The following CNTN5 variants were observed in gnomAD, a reference collection of about 807,000 sequenced individuals.
CNTN5 encodes contactin 5, also known as contactin-5.
A neutral mutation model predicts 129.1 loss-of-function variants in CNTN5; 77 were observed. The observed-to-expected ratio is 0.60, with a 90% CI of 0.50 to 0.72. CNTN5 has a LOEUF of 0.72. Among genes scored for constraint, CNTN5 ranks in the 30% least tolerant of loss-of-function variants. The pLI, the probability that CNTN5 is intolerant of heterozygous loss-of-function variation, is 0.00. For missense variants in CNTN5, 1,478 were observed against 1,328.8 expected (o/e 1.11, Z -1.75); for synonymous variants, 509 against 465.6 (o/e 1.09, Z -1.20).
At chr11:99,929,326 C>G (rs1487973723) in intron 7 of CNTN5, among the ~76,000 whole-genome samples, 1 of 152,088 alleles carries the variant, frequency 6.6e-6, no homozygotes, top group Non-Finnish European at 1.5e-5. Flanking sequence ...TCTTTTCAGC[C>G]CTTGGAACTG....
intron 9 of CNTN5, among the ~76,000 whole-genome samples, chr11:100,016,816 T>C (rs1056604565): frequency 3.3e-5 from 5 of 151,858 alleles, no homozygotes; most frequent in Non-Finnish European, 7.4e-5. Flanking sequence ...CCCTGTTTTT[T>C]CTTTGTTTTT....
chr11:99,766,489 T>C (rs1944759578), intron 3 of CNTN5, among the ~76,000 whole-genome samples: 1 of 152,050 alleles, frequency 6.6e-6, no homozygotes, highest in Admixed American at 6.6e-5. Context: ...TTTATGTTCC[T>C]CTTTCTTAGA....
rs139584595 is a variant in CNTN5, at chr11:99,729,270, A to T, written c.56-90274A>T. ...AAGGCATAGATATTGGGCAGGAAGG[A>T]AAATTCAATGCTCACTATTAAACTG... On this transcript the variant is annotated intron_variant, in intron 3 of 24. Coordinates refer to ENST00000524871, the MANE Select transcript of CNTN5 (RefSeq NM_014361.4). Among the ~76,000 whole-genome samples the T allele has an allele frequency of 7.0e-3, 1,063 of 152,230 alleles. 14 individuals are homozygous for T. Among genetic ancestry groups the T allele is most frequent in the African/African-American group, 0.023 (972 of 41,522 alleles).
chr11:99,104,296 C>T (rs1866892291), intron 1 of CNTN5, among the ~76,000 whole-genome samples: 1 of 151,990 alleles, frequency 6.6e-6, no homozygotes, highest in Non-Finnish European at 1.5e-5. Context: ...GACTGGATAA[C>T]TATTGGAGGC....
At chr11:99,524,277 A>G (rs1947401851) in intron 2 of CNTN5, among the ~76,000 whole-genome samples, 1 of 152,134 alleles carries the variant, frequency 6.6e-6, no homozygotes, top group Non-Finnish European at 1.5e-5. Flanking sequence ...AAAATTTCTG[A>G]TTATACAAGT....
At chr11:100,266,499 T>G (rs1320806753) in intron 17 of CNTN5, among the ~76,000 whole-genome samples, 1 of 152,132 alleles carries the variant, frequency 6.6e-6, no homozygotes, top group East Asian at 1.9e-4. Context: ...AAACCCTAAT[T>G]GTATAAAAGA....
intron 1 of CNTN5, among the ~76,000 whole-genome samples, chr11:99,273,850 A>G (rs1019537261): frequency 2.0e-5 from 3 of 151,380 alleles, no homozygotes; most frequent in Non-Finnish European, 4.4e-5. Flanking sequence ...ATATAAAAAT[A>G]TTTTCTGTTT....
chr11:99,959,898 G>C (rs953456408), intron 8 of CNTN5, among the ~76,000 whole-genome samples: 9 of 151,362 alleles, frequency 5.9e-5, no homozygotes, highest in African/African-American at 2.2e-4. Flanking sequence ...CTTACCTAAG[G>C]CTATTGCTTT....
chr11:100,250,100 G>A (rs11602186), intron 16 of CNTN5, among the ~76,000 whole-genome samples: 6,054 of 151,774 alleles, frequency 0.04, 189 homozygotes, highest in Middle Eastern at 0.13. Context: ...AGGCTATAAC[G>A]CTCTCAGTTT....
At chr11:100,094,643 T>C (rs1335383250) in intron 13 of CNTN5, among the ~76,000 whole-genome samples, 1 of 150,980 alleles carries the variant, frequency 6.6e-6, no homozygotes, top group African/African-American at 2.4e-5. Flanking sequence ...GAGAGATGGG[T>C]TTGTGGGGAG....
intron 1 of CNTN5, among the ~76,000 whole-genome samples, chr11:99,306,757 TA>T (rs1245538403): frequency 9.4e-6 from 1 of 106,714 alleles, no homozygotes; most frequent in Non-Finnish European, 2.3e-5. Context: ...ATAATAATAA[TA>T]ATAATAATAA....
intron 6 of CNTN5, among the ~76,000 whole-genome samples, chr11:99,910,106 A>T (rs879282921): frequency 1.3e-5 from 2 of 151,272 alleles, no homozygotes; most frequent in African/African-American, 2.4e-5. Flanking sequence ...AAGCTGAATT[A>T]GTCACTTTGA....
At chr11:99,377,222 C>T (rs1215565559) in intron 2 of CNTN5, among the ~76,000 whole-genome samples, 1 of 152,024 alleles carries the variant, frequency 6.6e-6, no homozygotes, top group African/African-American at 2.4e-5. Flanking sequence ...AGTAGTCTCT[C>T]ATATTTTGGG....
chr11:99,683,462 T>G (rs1953648891), intron 3 of CNTN5, among the ~76,000 whole-genome samples: 1 of 151,888 alleles, frequency 6.6e-6, no homozygotes, highest in Non-Finnish European at 1.5e-5. Context: ...AAAAATAAAT[T>G]TATAGATTTT....
intron 3 of CNTN5, among the ~76,000 whole-genome samples, chr11:99,699,886 A>G (rs1023070732): frequency 2.6e-5 from 4 of 151,448 alleles, no homozygotes; most frequent in African/African-American, 9.7e-5. Flanking sequence ...AGCATTTCAC[A>G]ATTACTTGAT....
intron 15 of CNTN5, among the ~76,000 whole-genome samples, chr11:100,218,814 C>A (rs1259160705): frequency 6.6e-6 from 1 of 152,102 alleles, no homozygotes; most frequent in African/African-American, 2.4e-5. Context: ...TGAGTCTAGC[C>A]TCATATGCTA....
intron 2 of CNTN5, among the ~76,000 whole-genome samples, chr11:99,408,430 AAGAAAGAAAGAAAGAAAG>A (rs1204606872): frequency 0.061 from 3,675 of 60,266 alleles, 114 homozygotes; most frequent in African/African-American, 0.15. Context: ...AGGAAAGAAA[AAGAAAGAAAGAAAGAAAG>A]AGAAAGAAAG....
Position 99,327,710 on chromosome 11 carries a change from A to G in CNTN5, c.-71+2226A>G, listed in dbSNP as rs117996392. Among the ~76,000 whole-genome samples, 464 of 152,334 alleles carry G rather than the reference A, an allele frequency of 3.0e-3. 5 individuals are homozygous for G. The highest frequency in any genetic ancestry group is 3.5e-3 in the Non-Finnish European group (237 of 68,044). On this transcript the variant is annotated intron_variant, in intron 2 of 24. Transcript: ENST00000524871. ...TTAAATAAAACGCCATTTCATTCAT[A>G]TACTTGCACCTAATCTGTCACTGTA...
intron 13 of CNTN5, among the ~76,000 whole-genome samples, chr11:100,145,119 T>G (rs540849597): frequency 6.6e-6 from 1 of 151,380 alleles, no homozygotes; most frequent in South Asian, 2.1e-4. Flanking sequence ...AGTCACTTCT[T>G]GATGTCTCAT....
Sources: gnomAD v4.1 joint callset for allele counts (sites outside exome capture counted in the v4.1 genomes callset) on GRCh38, gnomAD v4.1.1 for gene constraint, MANE v1.5 for transcripts, NCBI Gene and HGNC (gene_info 2026-07-23, HGNC 2026-07-21) for gene names.